Variants in CFAP299 observed in about 807,000 individuals in gnomAD.
CFAP299 encodes cilia- and flagella-associated protein 299.
In CFAP299, 21 loss-of-function variants were observed where a neutral mutation model predicts 27.0. The ratio of observed to expected loss-of-function variants is 0.78; its 90% confidence interval spans 0.55 to 1.12. The LOEUF is 1.12. Ranked by LOEUF, CFAP299 falls within the 50% of genes most tolerant of loss-of-function variation. CFAP299 has a pLI of 0.00. For synonymous variants in CFAP299, 104 were observed against 98.1 expected (o/e 1.06, Z -0.36); for missense variants, 310 against 276.6 (o/e 1.12, Z -0.86).
chr4:80,439,152 ATTTTG>A (rs1281456057), intron 2 of CFAP299, among the ~76,000 whole-genome samples: 1 of 151,980 alleles, frequency 6.6e-6, no homozygotes, highest in East Asian at 1.9e-4. Context: ...CTATTATCTA[ATTTTG>A]TTTTGATTAC....
intron 2 of CFAP299, among the ~76,000 whole-genome samples, chr4:80,573,059 A>G (rs769466894): frequency 6.6e-5 from 10 of 152,098 alleles, no homozygotes; most frequent in Non-Finnish European, 7.4e-5. Flanking sequence ...TGTTCTCCAT[A>G]GTGGCTATAG....
In CFAP299 at chr4:80,657,000, G is replaced by A. The variant is rs190639635; in HGVS notation, c.333+73817G>A. Among the ~76,000 whole-genome samples the A allele has an allele frequency of 1.2e-3, 187 of 151,964 alleles. 1 individual carries two copies. The highest frequency in any genetic ancestry group is 4.3e-3 in the African/African-American group (179 of 41,444). ...TGTGATGATGAGCTTTTTTTCATAT[G>A]TTTGTTGGCCACATAAATGTCTTCT... On this transcript the variant is annotated intron_variant, in intron 3 of 5. Transcript: ENST00000358105.
In CFAP299 at chr4:80,493,812, A is replaced by C. The variant is rs551269006; in HGVS notation, c.243-89281A>C. Among the ~76,000 whole-genome samples, 14 of 106,408 alleles carry C rather than the reference A, an allele frequency of 1.3e-4. No individual in the cohort carries two copies. The East Asian group carries it at 4.4e-3, about 33-fold the overall frequency. 69.8% of individuals were successfully genotyped at this position (106,408 alleles called of 152,430 possible). On this transcript the variant is annotated intron_variant, in intron 2 of 5. Transcript: ENST00000358105. ...GAGACGGAGTCTCGCTCTGTCGCCC[A>C]GGCCAGACTGCGGACTGCAGTGGCG...
intron 3 of CFAP299, among the ~76,000 whole-genome samples, chr4:80,648,525 C>A (rs1247120477): frequency 6.6e-6 from 1 of 152,062 alleles, no homozygotes; most frequent in African/African-American, 2.4e-5. Context: ...TCATTTCACT[C>A]CTCTTTCGTG....
At chr4:80,679,806 T>A (rs1370819379) in intron 3 of CFAP299, among the ~76,000 whole-genome samples, 1 of 151,764 alleles carries the variant, frequency 6.6e-6, no homozygotes, top group African/African-American at 2.4e-5. Flanking sequence ...GCTACTTCAC[T>A]GTTGAGTTTC....
At chr4:80,820,114 A>G (rs1176022035) in intron 3 of CFAP299, among the ~76,000 whole-genome samples, 1 of 152,176 alleles carries the variant, frequency 6.6e-6, no homozygotes, top group African/African-American at 2.4e-5. Flanking sequence ...GTAGATTTGT[A>G]TATTGATATA....
intron 2 of CFAP299, among the ~76,000 whole-genome samples, chr4:80,527,728 C>CTT (rs1287813334): frequency 6.6e-6 from 1 of 152,062 alleles, no homozygotes; most frequent in East Asian, 1.9e-4. Flanking sequence ...CCTGACCCCT[C>CTT]TGTTTTGGAA....
chr4:80,785,742 A>G (rs1727213342), intron 3 of CFAP299, among the ~76,000 whole-genome samples: 1 of 152,186 alleles, frequency 6.6e-6, no homozygotes, highest in Admixed American at 6.5e-5. Context: ...ACATAATTAT[A>G]AAGCTGTTTA....
chr4:80,900,189 T>C (rs1012834836), intron 4 of CFAP299, among the ~76,000 whole-genome samples: 1 of 148,832 alleles, frequency 6.7e-6, no homozygotes, highest in Admixed American at 6.7e-5. Flanking sequence ...AACAGTAGTC[T>C]ATAACGGAAA....
chr4:80,736,858 G>A (rs148419651), intron 3 of CFAP299, among the ~76,000 whole-genome samples: 2,845 of 152,212 alleles, frequency 0.019, 95 homozygotes, highest in African/African-American at 0.064. Context: ...AAAGACACAT[G>A]CACAGGTATG....
chr4:80,706,681 T>C (rs1284390459), intron 3 of CFAP299, among the ~76,000 whole-genome samples: 1 of 151,966 alleles, frequency 6.6e-6, no homozygotes, highest in Non-Finnish European at 1.5e-5. Context: ...ATGCATGTTT[T>C]AGCATACATT....
At chr4:80,494,068 C>A (rs1036615106) in intron 2 of CFAP299, among the ~76,000 whole-genome samples, 3 of 152,140 alleles carry the variant, frequency 2.0e-5, no homozygotes, top group African/African-American at 7.2e-5. Flanking sequence ...AGCCACCGCG[C>A]CTGGCCTCTA....
intron 2 of CFAP299, among the ~76,000 whole-genome samples, chr4:80,395,379 T>C (rs1725724795): frequency 6.6e-6 from 1 of 152,106 alleles, no homozygotes; most frequent in Non-Finnish European, 1.5e-5. Context: ...GAATGTCTTT[T>C]AAAATTTTTG....
At chr4:80,872,960 A>G in intron 4 of CFAP299, 1 of 974,318 alleles carries the variant, frequency 1.0e-6, no homozygotes, top group Non-Finnish European at 1.2e-6. Context: ...CAGAAATCAG[A>G]AGTTCTGATA....
rs368870508 is a variant in CFAP299 at position 80,414,163 on chromosome 4, C to G, written c.242+51279C>G. ...TCGGCTCACTGCAAGCTCCGCCTCC[C>G]GGGTTCACGCCATTCTCCTGCCTCA... On this transcript the variant is annotated intron_variant, in intron 2 of 5. Coordinates refer to ENST00000358105, the MANE Select transcript of CFAP299 (RefSeq NM_152770.3). Among the ~76,000 whole-genome samples, 25 of 148,886 alleles carry G rather than the reference C, an allele frequency of 1.7e-4. No individual in the cohort carries two copies. In the East Asian group the frequency reaches 3.4e-3, roughly 20 times the overall value.
rs559473221 is a variant in CFAP299 at position 80,802,999 on chromosome 4, G to A, written c.334-66994G>A. On this transcript the variant is annotated intron_variant, in intron 3 of 5. Transcript: ENST00000358105. The stretch of plus-strand genomic sequence containing the variant: ...TTTCAAAAGTAGGGTTAAACATCAT[G>A]CAATAGAATAAATAGGGATTCAGCT... 1.9e-4 allele frequency among the ~76,000 whole-genome samples: 29 copies of A among 152,128 alleles called. No individual in the cohort carries two copies. In the South Asian group the frequency reaches 5.4e-3, roughly 28 times the overall value.
rs1043868345 is a variant in CFAP299, at chr4:80,893,671, A to G, written c.476+23536A>G. On this transcript the variant is annotated intron_variant, in intron 4 of 5. Coordinates refer to ENST00000358105, the MANE Select transcript of CFAP299 (RefSeq NM_152770.3). Reference sequence around the variant, plus strand: ...AAACTAAATGAATACATGCAAAAAAAAAAAGAAATTGGACCCTTATCTTGC... The same window carrying G: ...AAACTAAATGAATACATGCAAAAAAGAAAAGAAATTGGACCCTTATCTTGC... Among the ~76,000 whole-genome samples, 19 of 152,028 alleles carry G rather than the reference A, an allele frequency of 1.2e-4. No homozygotes were observed. The South Asian group carries it at 2.9e-3, about 23-fold the overall frequency.
At chr4:80,885,210 A>G (rs1181332467) in intron 4 of CFAP299, among the ~76,000 whole-genome samples, 2 of 152,160 alleles carry the variant, frequency 1.3e-5, no homozygotes, top group Admixed American at 1.3e-4. Context: ...CAGCAATTGG[A>G]ACCTGACTTT....
rs201103934 is a variant in CFAP299, at chr4:80,799,132, TTA to T, written c.334-70851_334-70850del. On this transcript the variant is annotated intron_variant, in intron 3 of 5. Coordinates refer to ENST00000358105, the MANE Select transcript of CFAP299 (RefSeq NM_152770.3). Reference sequence around the variant, plus strand: ...TTATGTAAATATATTTATACAATATTTATATATATATTATATAAATATATTTA... The same window carrying T: ...TTATGTAAATATATTTATACAATATTTATATATATTATATAAATATATTTA... Among the ~76,000 whole-genome samples, 151 of 120,084 alleles carry T rather than the reference TTA, an allele frequency of 1.3e-3. 2 individuals are homozygous for T. Among genetic ancestry groups the T allele is most frequent in the East Asian group, 0.011 (33 of 3,078 alleles). The allele number at this position is 120,084 out of a possible 152,430, so 78.8% of individuals were successfully genotyped here.
Sources: allele counts gnomAD v4.1 joint callset (sites outside exome capture counted in the v4.1 genomes callset), GRCh38; gene constraint gnomAD v4.1.1; transcripts MANE v1.5; gene names NCBI Gene and HGNC (gene_info 2026-07-23, HGNC 2026-07-21).